RCN1: variants seen among roughly 807,000 people sequenced by gnomAD.
RCN1 encodes reticulocalbin 1.
In RCN1, 14 loss-of-function variants were observed where a neutral mutation model predicts 34.7. The ratio of observed to expected loss-of-function variants is 0.40; its 90% confidence interval spans 0.27 to 0.63. The LOEUF (loss-of-function observed/expected upper bound fraction) is 0.63. Ranked by LOEUF, RCN1 falls within the 30% of genes least tolerant of loss-of-function variation. RCN1 has a pLI of 0.37. For missense variants in RCN1, 326 were observed against 425.1 expected, an observed-to-expected ratio of 0.77 and a Z score of 2.05; for synonymous variants, 125 against 165.5, an observed-to-expected ratio of 0.76 and a Z score of 1.88.
chr11:32,103,275 T>C lies in RCN1; in HGVS notation c.689-6T>C, dbSNP rs1590220609. The stretch of plus-strand genomic sequence containing the variant: ...CTTTGTAACCAACAATAACCTTCCC[T>C]TCTAGCGGATATGTTTTCCCATGAG... On this transcript the variant is annotated splice_polypyrimidine_tract_variant and splice_region_variant and intron_variant, in intron 4 of 5. Coordinates refer to ENST00000054950, the MANE Select transcript of RCN1 (RefSeq NM_002901.4). The C allele has an allele frequency of 6.2e-7, 1 of 1,613,796 alleles. No individual in the cohort carries two copies. The highest frequency in any genetic ancestry group is 2.2e-5 in the East Asian group (1 of 44,880).
intron 1 of RCN1, among the ~76,000 whole-genome samples, chr11:32,094,333 C>T (rs1019840121): frequency 3.3e-5 from 5 of 152,292 alleles, no homozygotes; most frequent in South Asian, 2.1e-4. Flanking sequence ...CATAAATATG[C>T]GACACAGTGT....
intron 4 of RCN1, chr11:32,102,161 G>C (rs1474849715): frequency 6.6e-6 from 1 of 152,178 alleles, no homozygotes; most frequent in East Asian, 1.9e-4. Flanking sequence ...GGGGGTGGTA[G>C]TAGGAAGAGC....
rs1478472787 is a variant in RCN1, at chr11:32,091,630, C to T, written c.254+180C>T. The stretch of plus-strand genomic sequence containing the variant: ...CTAACTTGCTGGAGGGCCCCGGGAC[C>T]CCAGCTTGGAGATCGCCGCCGCCGC... On this transcript the variant is annotated intron_variant, in intron 1 of 5. Transcript: ENST00000054950. The T allele has an allele frequency of 5.4e-6, 4 of 740,676 alleles. No individual in the cohort carries two copies. In the African/African-American group the frequency reaches 7.6e-5, roughly 14 times the overall value. 45.9% of individuals were successfully genotyped at this position (740,676 alleles called of 1,614,324 possible).
At chr11:32,097,429 C>A in intron 2 of RCN1, 92 bp downstream of exon 2, 23 of 876,940 alleles carry the variant, frequency 2.6e-5, no homozygotes, top group Non-Finnish European at 3.6e-5. Flanking sequence ...CCACTCCCTT[C>A]AGGGAGATGT....
chr11:32,091,775 AAAG>A, intron 1 of RCN1: 1 of 369,640 alleles, frequency 2.7e-6, no homozygotes. Flanking sequence ...AGAGTGCACA[AAAG>A]AAGAGTTTGT....
Position 32,103,476 on chromosome 11 carries a change from A to G in RCN1, c.884A>G (p.Asn295Ser). The G allele has an allele frequency of 6.2e-7, 1 of 1,612,918 alleles. No homozygotes were observed. The highest frequency in any genetic ancestry group is 8.5e-7 in the Non-Finnish European group (1 of 1,178,884). ...ARHLVYESDK[N>S]KDEKLTKEEI... Reference sequence around the variant, plus strand: ...CATCTGGTATATGAATCAGACAAAAACAAGGTATTTCCCATTCTTCTGGAA... The same window carrying G: ...CATCTGGTATATGAATCAGACAAAAGCAAGGTATTTCCCATTCTTCTGGAA... The change falls in exon 5 of 6, where the codon AAC (asparagine) becomes AGC (serine). Residue 295 changes from asparagine (N) to serine (S), a missense_variant. Physicochemically the swap from Asn to Ser is conservative, Grantham distance 46. Transcript: ENST00000054950.
intron 1 of RCN1, 24 bp downstream of exon 1, chr11:32,091,474 TG>T (rs1369458910): frequency 6.5e-7 from 1 of 1,536,410 alleles, no homozygotes. Context: ...CAGGGCCCCG[TG>T]GGGGGCGGCG....
At chr11:32,102,160 A>T (rs1284862764) in intron 4 of RCN1, 1 of 152,142 alleles carries the variant, frequency 6.6e-6, no homozygotes, top group Non-Finnish European at 1.5e-5. Context: ...GGGGGGTGGT[A>T]GTAGGAAGAG....
At chr11:32,096,965 A>G in intron 1 of RCN1, 179 bp from the exon 2 acceptor site, 1 of 553,908 alleles carries the variant, frequency 1.8e-6, no homozygotes, top group Admixed American at 3.7e-5. Flanking sequence ...CAACCTTGGA[A>G]GGATAAACTT....
At chr11:32,092,240 G>A (rs1851930974) in intron 1 of RCN1, among the ~76,000 whole-genome samples, 1 of 152,188 alleles carries the variant, frequency 6.6e-6, no homozygotes, top group South Asian at 2.1e-4. Flanking sequence ...CCGGGAGGCG[G>A]AGGTAGCAGT....
At chr11:32,096,987 C>T (rs955001668) in intron 1 of RCN1, 157 bp from the exon 2 acceptor site, 1 of 599,184 alleles carries the variant, frequency 1.7e-6, no homozygotes, top group South Asian at 3.1e-5. Context: ...AAGATTCCTT[C>T]CAGCCTCCTT....
At chr11:32,093,112 A>T (rs892685675) in intron 1 of RCN1, among the ~76,000 whole-genome samples, 17 of 152,258 alleles carry the variant, frequency 1.1e-4, no homozygotes, top group African/African-American at 4.1e-4. Context: ...ACTGGAGAGG[A>T]GGCAGGGAGA....
rs750321344 is a variant in RCN1, at chr11:32,105,662, T to G, written c.*1190T>G. ...GTTCTGGGGTTTTTTTTCATCCAAT[T>G]ACTAGAATGTTCAGAATAGACTCAT... On this transcript the variant is annotated 3_prime_UTR_variant, in exon 6 of 6. Coordinates refer to ENST00000054950, the MANE Select transcript of RCN1 (RefSeq NM_002901.4). The G allele has an allele frequency of 3.3e-5, 5 of 152,204 alleles. No individual in the cohort carries two copies. Among genetic ancestry groups the G allele is most frequent in the African/African-American group, 4.8e-5 (2 of 41,448 alleles). The allele number at this position is 152,204 out of a possible 1,614,324, so 9.4% of individuals were successfully genotyped here.
At chr11:32,091,598 G>T in intron 1 of RCN1, 148 bp downstream of exon 1, 1 of 1,052,124 alleles carries the variant, frequency 9.5e-7, no homozygotes, top group Non-Finnish European at 1.3e-6. Context: ...CGGCGCTGGG[G>T]CTCAGGCTAA....
chr11:32,104,713 T>C lies in RCN1; in HGVS notation c.*241T>C. 1 of 461,322 alleles carries C rather than the reference T, an allele frequency of 2.2e-6. No homozygotes were observed. The highest frequency in any genetic ancestry group is 3.9e-6 in the Non-Finnish European group (1 of 258,302). 28.6% of individuals were successfully genotyped at this position (461,322 alleles called of 1,614,324 possible). On this transcript the variant is annotated 3_prime_UTR_variant, in exon 6 of 6. Transcript: ENST00000054950. ...GGTAAATTGCAATTCTTTCTGGGGATATATTGGTACAACATGACTTAAAAC... is the reference window on the plus strand; with the variant it reads ...GGTAAATTGCAATTCTTTCTGGGGACATATTGGTACAACATGACTTAAAAC...
chr11:32,091,421 C>T lies in RCN1; in HGVS notation c.225C>T (p.Leu75=). 6.5e-7 allele frequency: 1 copy of T among 1,548,282 alleles called. No individual in the cohort carries two copies. Among genetic ancestry groups the T allele is most frequent in the Non-Finnish European group, 8.7e-7 (1 of 1,145,810 alleles). Residue 75 remains leucine (L), a synonymous_variant, in exon 1 of 6, where the codon CTC becomes CTT. Transcript: ENST00000054950. ...GKEDSKTFDQ[L]TPDESKERLG... ...AGGACTCCAAGACCTTCGACCAGCT[C>T]ACCCCGGACGAGAGCAAGGAGAGGC...
At chr11:32,102,635 A>G (rs1426181604) in intron 4 of RCN1, 1 of 162,568 alleles carries the variant, frequency 6.2e-6, no homozygotes, top group Non-Finnish European at 1.3e-5. Context: ...GCCCTTTGGA[A>G]ATGATATAAA....
Position 32,101,492 on chromosome 11 carries a change from G to A in RCN1, c.688+884G>A, listed in dbSNP as rs148069574. 2.0e-5 allele frequency among the ~76,000 whole-genome samples: 3 copies of A among 152,302 alleles called. No homozygotes were observed. In the East Asian group the frequency reaches 5.8e-4, roughly 29 times the overall value. On this transcript the variant is annotated intron_variant, in intron 4 of 5. Transcript: ENST00000054950. ...TCAAAGCCATTAATTACCTTTAAAT[G>A]TAAAACTCAGAGCCTGAGTTGCTGT...
At chr11:32,102,776 T>G in intron 4 of RCN1, 1 of 321,018 alleles carries the variant, frequency 3.1e-6, no homozygotes, top group South Asian at 2.5e-5. Context: ...ATCTGTAAAA[T>G]GGGAATTATA....
Sources: allele counts gnomAD v4.1 joint callset (sites outside exome capture counted in the v4.1 genomes callset), GRCh38; gene constraint gnomAD v4.1.1; transcripts MANE v1.5; gene names NCBI Gene and HGNC (gene_info 2026-07-23, HGNC 2026-07-21).